The following PBX3 variants were observed in gnomAD, a reference collection of about 807,000 sequenced individuals.
PBX3 encodes the protein PBX homeobox 3.
In PBX3, 14 loss-of-function variants were observed where a neutral mutation model predicts 48.5. That is an observed-to-expected ratio of 0.29 (90% CI 0.19 to 0.45). The LOEUF (loss-of-function observed/expected upper bound fraction) is 0.45. PBX3 is among the 20% of genes least tolerant of loss of function. The probability of loss-of-function intolerance (pLI) is 1.00; values close to 1 mark genes in which losing one functional copy is unlikely to be tolerated. For synonymous variants in PBX3, 210 were observed against 200.3 expected (o/e 1.05, Z -0.41); for missense variants, 386 against 546.7 (o/e 0.71, Z 2.93).
chr9:125,887,589 C>T (rs1271646493), intron 2 of PBX3, among the ~76,000 whole-genome samples: 2 of 152,142 alleles, frequency 1.3e-5, no homozygotes, highest in Non-Finnish European at 2.9e-5. Flanking sequence ...AGTTTAACAA[C>T]ATATTATCAA....
At chr9:125,889,253 C>T (rs1284376993) in intron 2 of PBX3, among the ~76,000 whole-genome samples, 1 of 152,232 alleles carries the variant, frequency 6.6e-6, no homozygotes, top group African/African-American at 2.4e-5. Flanking sequence ...CTGGTCCGGG[C>T]CTTTCCCTCT....
intron 2 of PBX3, among the ~76,000 whole-genome samples, chr9:125,862,346 G>A (rs1839880467): frequency 6.6e-6 from 1 of 152,108 alleles, no homozygotes; most frequent in Admixed American, 6.6e-5. Flanking sequence ...CAAAATTTAT[G>A]GAATGAGTAT....
At chr9:125,860,428 A>C (rs1347919756) in intron 2 of PBX3, among the ~76,000 whole-genome samples, 1 of 152,224 alleles carries the variant, frequency 6.6e-6, no homozygotes, top group Admixed American at 6.5e-5. Flanking sequence ...ACAGTAGAAA[A>C]CTAAAGAACT....
chr9:125,781,911 T>A (rs1837330518), intron 2 of PBX3, among the ~76,000 whole-genome samples: 1 of 152,200 alleles, frequency 6.6e-6, no homozygotes, highest in African/African-American at 2.4e-5. Flanking sequence ...GTCCTATACC[T>A]TTTTGTTCCT....
rs759959963 is a variant in PBX3 at position 125,915,728 on chromosome 9, C to T, written c.317C>T (p.Pro106Leu). Reference sequence around the variant, plus strand: ...GCCCAGGAGGAGGACCCTCCCGATCCCCAGCTAATGAGACTGGACAATATG... The same window carrying T: ...GCCCAGGAGGAGGACCCTCCCGATCTCCAGCTAATGAGACTGGACAATATG... ...RGAQEEDPPD[P>L]QLMRLDNMLL... The change falls in exon 3 of 9, where the codon CCC becomes CTC. Residue 106 changes from proline (P) to leucine (L), a missense_variant. By Grantham distance (98) the Pro-to-Leu change is moderately conservative. Transcript: ENST00000373489. The T allele has an allele frequency of 6.2e-7, 1 of 1,613,482 alleles. No homozygotes were observed. The highest frequency in any genetic ancestry group is 1.3e-5 in the African/African-American group (1 of 74,880).
chr9:125,784,360 C>T (rs1388089171), intron 2 of PBX3, among the ~76,000 whole-genome samples: 1 of 152,132 alleles, frequency 6.6e-6, no homozygotes, highest in East Asian at 1.9e-4. Flanking sequence ...AACTCCTGAC[C>T]TCAGGTGATC....
chr9:125,863,801 C>T lies in PBX3; in HGVS notation c.275-51885C>T, dbSNP rs1009288184. ...CTGTTCTTAATACTTAGCTTTGCCC[C>T]GTGTTTTTATTTCCTTCTCTTTTTA... is the stretch of plus-strand genomic sequence containing the variant. On this transcript the variant is annotated intron_variant, in intron 2 of 8. Transcript: ENST00000373489. 2.0e-5 allele frequency among the ~76,000 whole-genome samples: 3 copies of T among 152,130 alleles called. No homozygotes were observed. The East Asian group carries it at 5.8e-4, about 29-fold the overall frequency.
chr9:125,771,891 G>T (rs1836948184), intron 2 of PBX3, among the ~76,000 whole-genome samples: 1 of 152,148 alleles, frequency 6.6e-6, no homozygotes, highest in Non-Finnish European at 1.5e-5. Context: ...TTTGAGGAGA[G>T]TAGTGCAAGG....
intron 2 of PBX3, among the ~76,000 whole-genome samples, chr9:125,898,411 G>A (rs1364027869): frequency 1.3e-5 from 2 of 149,318 alleles, no homozygotes; most frequent in Non-Finnish European, 3.0e-5. Flanking sequence ...TACATTTTTT[G>A]TGTTCAGCCT....
At chr9:125,777,984 G>A (rs1342393206) in intron 2 of PBX3, among the ~76,000 whole-genome samples, 1 of 141,984 alleles carries the variant, frequency 7.0e-6, no homozygotes, top group Non-Finnish European at 1.5e-5. Context: ...TTTTTGAGAT[G>A]GAGTGTCACT....
chr9:125,957,287 A>T (rs1376510972), intron 5 of PBX3, among the ~76,000 whole-genome samples: 2 of 152,268 alleles, frequency 1.3e-5, no homozygotes, highest in African/African-American at 4.8e-5. Context: ...AGGTAATCCC[A>T]TCAAACAATT....
intron 2 of PBX3, among the ~76,000 whole-genome samples, chr9:125,882,816 T>C (rs1840411939): frequency 6.6e-6 from 1 of 152,240 alleles, no homozygotes; most frequent in Admixed American, 6.5e-5. Flanking sequence ...AAACTTAGGT[T>C]TTAAACTGAA....
At chr9:125,944,398 A>G (rs1842024557) in intron 5 of PBX3, among the ~76,000 whole-genome samples, 2 of 152,226 alleles carry the variant, frequency 1.3e-5, no homozygotes, top group Non-Finnish European at 2.9e-5. Context: ...CTTAGTGCCT[A>G]CTATATGTCA....
chr9:125,793,995 T>A (rs544106079), intron 2 of PBX3, among the ~76,000 whole-genome samples: 1 of 152,316 alleles, frequency 6.6e-6, no homozygotes, highest in African/African-American at 2.4e-5. Flanking sequence ...AACTTAAATT[T>A]GTGTGATAAC....
chr9:125,963,231 CTTTTA>C, intron 8 of PBX3, 130 bp downstream of exon 8: 1 of 520,402 alleles, frequency 1.9e-6, no homozygotes, highest in South Asian at 3.6e-5. Context: ...CTTTGCTGCA[CTTTTA>C]TTTTAAGAAC....
At chr9:125,755,547 C>G (rs1465851385) in intron 2 of PBX3, among the ~76,000 whole-genome samples, 1 of 151,908 alleles carries the variant, frequency 6.6e-6, no homozygotes, top group Non-Finnish European at 1.5e-5. Flanking sequence ...TTGCTAATGC[C>G]CTAGAAGTAT....
At chr9:125,885,461 G>T (rs1402177398) in intron 2 of PBX3, among the ~76,000 whole-genome samples, 4 of 152,018 alleles carry the variant, frequency 2.6e-5, no homozygotes, top group Non-Finnish European at 5.9e-5. Flanking sequence ...ACTTTAAAGA[G>T]GAAGTAAGTC....
In PBX3 at chr9:125,902,775, G is replaced by A. The variant is rs1291137616; in HGVS notation, c.275-12911G>A. ...AATGTATATTAGTTAATGTGTTAAC[G>A]ACGTGTTAATTACTGTACATGTTGT... On this transcript the variant is annotated intron_variant, in intron 2 of 8. Transcript: ENST00000373489. 2.0e-5 allele frequency among the ~76,000 whole-genome samples: 3 copies of A among 151,728 alleles called. No homozygotes were observed. In the Admixed American group the frequency reaches 2.0e-4, roughly 10 times the overall value.
chr9:125,947,762 G>A (rs1413685652), intron 5 of PBX3, among the ~76,000 whole-genome samples: 2 of 152,032 alleles, frequency 1.3e-5, no homozygotes, highest in Non-Finnish European at 2.9e-5. Flanking sequence ...TTAGTTATGT[G>A]TTCTCTAAGA....
Sources: allele counts gnomAD v4.1 joint callset (sites outside exome capture counted in the v4.1 genomes callset), GRCh38; gene constraint gnomAD v4.1.1; transcripts MANE v1.5; gene names NCBI Gene and HGNC (gene_info 2026-07-23, HGNC 2026-07-21).